The following DYNC2H1 variants were observed in gnomAD, a reference collection of about 807,000 sequenced individuals.
DYNC2H1 encodes the protein cytoplasmic dynein 2 heavy chain 1.
A neutral mutation model predicts 570.0 loss-of-function variants in DYNC2H1; 410 were observed. The observed-to-expected ratio is 0.72, with a 90% CI of 0.66 to 0.78. The LOEUF is 0.78. Ranked by LOEUF, DYNC2H1 falls within the 30% of genes least tolerant of loss-of-function variation. The pLI is 0.00. For synonymous variants in DYNC2H1, 1,688 were observed against 1,677.6 expected, an observed-to-expected ratio of 1.01 and a Z score of -0.15; for missense variants, 4,865 against 5,046.4, an observed-to-expected ratio of 0.96 and a Z score of 1.09.
At position 103,155,457 on chromosome 11, in the gene DYNC2H1, C is replaced by G; in HGVS notation, c.3700C>G (p.Leu1234Val). 6.2e-7 allele frequency: 1 copy of G among 1,612,068 alleles called. No homozygotes were observed. Among genetic ancestry groups the G allele is most frequent in the Non-Finnish European group, 8.5e-7 (1 of 1,178,954 alleles). The change falls in exon 25 of 89, where the codon CTC (leucine) becomes GTC (valine). Residue 1234 changes from leucine to valine, a missense_variant. Leu to Val is a conservative substitution (Grantham distance 32, BLOSUM62 1). This residue lies in a region of DYNC2H1 where 1,936 missense variants were observed against 1,962.1 expected (regional missense o/e 0.99). Transcript: ENST00000375735. The part of the protein sequence containing the change: ...SLEKLLFGDL[L>V]RVADTIVAKA... The stretch of plus-strand genomic sequence containing the variant: ...AGAGAAACTACTGTTTGGTGATTTG[C>G]TCAGAGTAGCTGATACAATTGTAGC...
chr11:103,463,037 C>T (rs983917773), intron 87 of DYNC2H1, among the ~76,000 whole-genome samples: 1 of 152,134 alleles, frequency 6.6e-6, no homozygotes, highest in Admixed American at 6.5e-5. Flanking sequence ...ATTATGTTTG[C>T]AGTTAAATGG....
At position 103,133,845 on chromosome 11, in the gene DYNC2H1, C is replaced by A; in HGVS notation, c.2106+138C>A. ...AATAGTACAGAGAAATCACAATTCC[C>A]ATTTGCCCAAATTCCCTGTTGTTAA... On this transcript the variant is annotated intron_variant, in intron 14 of 88. Coordinates refer to ENST00000375735, the MANE Select transcript of DYNC2H1 (RefSeq NM_001377.3). The surrounding 1 kb of genome is among the most constrained non-coding windows in gnomAD (Gnocchi z 4.8). The A allele has an allele frequency of 1.1e-6, 1 of 941,944 alleles. No individual in the cohort carries two copies. Among genetic ancestry groups the A allele is most frequent in the Non-Finnish European group, 1.5e-6 (1 of 662,186 alleles). The allele number at this position is 941,944 out of a possible 1,614,324, so 58.3% of individuals were successfully genotyped here.
intron 79 of DYNC2H1, among the ~76,000 whole-genome samples, chr11:103,315,379 TTTG>T (rs879326083): frequency 6.6e-6 from 1 of 152,114 alleles, no homozygotes; most frequent in African/African-American, 2.4e-5. Flanking sequence ...GTTTAAATGC[TTTG>T]TTAAGCTTTT....
intron 58 of DYNC2H1, 103 bp from the exon 59 acceptor site, chr11:103,222,862 T>C (rs1863641542): frequency 1.4e-6 from 2 of 1,432,720 alleles, no homozygotes; most frequent in Non-Finnish European, 1.9e-6. Context: ...ACTACTTTAT[T>C]TGGGTCAAGT....
chr11:103,236,821 C>T (rs1261614257), intron 63 of DYNC2H1, among the ~76,000 whole-genome samples: 1 of 151,642 alleles, frequency 6.6e-6, no homozygotes, highest in Non-Finnish European at 1.5e-5. Flanking sequence ...TAGGGATACC[C>T]AATTCATTGG....
chr11:103,421,028 A>G (rs543783), intron 84 of DYNC2H1, among the ~76,000 whole-genome samples: 100,745 of 152,070 alleles, frequency 0.66, 34,936 homozygotes, highest in African/African-American at 0.88. Flanking sequence ...AAGGCAGGGA[A>G]GAAAATTTAC....
chr11:103,283,497 C>T (rs1866226123), intron 73 of DYNC2H1, among the ~76,000 whole-genome samples: 1 of 152,130 alleles, frequency 6.6e-6, no homozygotes, highest in South Asian at 2.1e-4. Flanking sequence ...TCCGTTCCTT[C>T]CCCTGCTTTT....
In DYNC2H1 at chr11:103,151,221, C is replaced by A. The variant is rs1290484367; in HGVS notation, c.2947-915C>A. Among the ~76,000 whole-genome samples the A allele has an allele frequency of 6.6e-6, 1 of 152,060 alleles. No homozygotes were observed. Among genetic ancestry groups the A allele is most frequent in the Non-Finnish European group, 1.5e-5 (1 of 68,008 alleles). ...TCAAGCAGTGTTCCTGCTTCAGCCT[C>A]CTCAGTAGCTAGGAGTACAGGTGTG... On this transcript the variant is annotated intron_variant, in intron 20 of 88. Coordinates refer to ENST00000375735, the MANE Select transcript of DYNC2H1 (RefSeq NM_001377.3). This position sits in a 1 kb window ranked among gnomAD's most constrained non-coding sequence, Gnocchi z 4.6.
At chr11:103,477,268 CA>C (rs1945581416) in intron 88 of DYNC2H1, among the ~76,000 whole-genome samples, 1 of 152,146 alleles carries the variant, frequency 6.6e-6, no homozygotes, top group Non-Finnish European at 1.5e-5. Flanking sequence ...GTATCTGTGA[CA>C]ACTTTGCCAC....
At chr11:103,431,052 T>C (rs904991545) in intron 84 of DYNC2H1, among the ~76,000 whole-genome samples, 2 of 152,090 alleles carry the variant, frequency 1.3e-5, no homozygotes, top group African/African-American at 2.4e-5. Flanking sequence ...TCATACTTGC[T>C]GCATAATCAC....
At chr11:103,359,654 C>CT (rs113915005) in intron 83 of DYNC2H1, among the ~76,000 whole-genome samples, 17 of 139,366 alleles carry the variant, frequency 1.2e-4, no homozygotes, top group South Asian at 2.2e-4. Context: ...CCCTCATTTA[C>CT]TTTTTTTTTT....
At chr11:103,406,367 T>A (rs923145104) in intron 84 of DYNC2H1, 1 of 151,978 alleles carries the variant, frequency 6.6e-6, no homozygotes, top group Admixed American at 6.6e-5. Context: ...TAGAATAAAT[T>A]AGGCGTATAT....
chr11:103,416,485 G>A (rs1943287730), intron 84 of DYNC2H1, among the ~76,000 whole-genome samples: 1 of 152,092 alleles, frequency 6.6e-6, no homozygotes, highest in African/African-American at 2.4e-5. Context: ...GAACAGAACA[G>A]AGACCTCAAA....
At chr11:103,224,831 T>A (rs1366835493) in intron 59 of DYNC2H1, among the ~76,000 whole-genome samples, 1 of 152,232 alleles carries the variant, frequency 6.6e-6, no homozygotes, top group Non-Finnish European at 1.5e-5. Flanking sequence ...TCCACACTGT[T>A]TTCCACAGTG....
chr11:103,468,504 G>C (rs1254635541), intron 87 of DYNC2H1, 85 bp from the exon 88 acceptor site: 8 of 868,984 alleles, frequency 9.2e-6, no homozygotes, highest in Non-Finnish European at 1.1e-5. Context: ...ACAATGGAAA[G>C]CATAGCTCTT....
At chr11:103,460,613 T>C (rs1180836676) in intron 87 of DYNC2H1, among the ~76,000 whole-genome samples, 1 of 149,542 alleles carries the variant, frequency 6.7e-6, no homozygotes, top group Non-Finnish European at 1.5e-5. Context: ...ATGAGTAGAC[T>C]TCAATAATAA....
rs1392450870 is a variant in DYNC2H1, at chr11:103,198,037, A to G, written c.7813A>G (p.Thr2605Ala). The change falls in exon 48 of 89, where the codon ACT becomes GCT. Residue 2605 changes from threonine (T) to alanine (A), a missense_variant. Transcript: ENST00000375735. ...AAAACCACTTGGAAAACTAAACTCT[A>G]CTGATCTCAAGGATGTTATTAAAAA... The part of the protein sequence containing the change: ...HGKPLGKLNS[T>A]DLKDVIKKGL... The G allele has an allele frequency of 1.9e-6, 3 of 1,552,616 alleles. No individual in the cohort carries two copies. The highest frequency in any genetic ancestry group is 1.7e-6 in the Non-Finnish European group (2 of 1,147,270).
chr11:103,210,014 C>T (rs994235234), intron 53 of DYNC2H1, 54 bp downstream of exon 53: 136 of 1,378,202 alleles, frequency 9.9e-5, no homozygotes, highest in Admixed American at 2.6e-4. Context: ...AAATAATTGC[C>T]GTTTTTAATG....
At position 103,264,629 on chromosome 11, in the gene DYNC2H1, A is replaced by G. The variant is rs1009219735; in HGVS notation, c.10695+4652A>G. Among the ~76,000 whole-genome samples, 3 of 152,258 alleles carry G rather than the reference A, an allele frequency of 2.0e-5. No homozygotes were observed. Among genetic ancestry groups the G allele is most frequent in the Admixed American group, 6.5e-5 (1 of 15,292 alleles). On this transcript the variant is annotated intron_variant, in intron 70 of 88. Coordinates refer to ENST00000375735, the MANE Select transcript of DYNC2H1 (RefSeq NM_001377.3). The surrounding 1 kb of genome is among the most constrained non-coding windows in gnomAD (Gnocchi z 4.8). ...TCAATAGATGCAGAAAAGGCCTCCA[A>G]TAAAATTCAACACACCTTCATGCTG...
Sources: gnomAD v4.1 joint callset for allele counts (sites outside exome capture counted in the v4.1 genomes callset) on GRCh38, gnomAD v4.1.1 for gene constraint, gnomAD v4.1.1 regional missense constraint, Gnocchi (gnomAD v3.1) non-coding constraint, MANE v1.5 for transcripts, NCBI Gene and HGNC (gene_info 2026-07-23, HGNC 2026-07-21) for gene names.